RARB: variants seen among roughly 807,000 people sequenced by gnomAD.
RARB encodes retinoic acid receptor beta.
In RARB, 17 loss-of-function variants were observed where a neutral mutation model predicts 51.9. The observed-to-expected ratio is 0.33, with a 90% CI of 0.22 to 0.49. The LOEUF is 0.49. Among genes scored for constraint, RARB ranks in the 20% least tolerant of loss-of-function variants. RARB has a pLI of 0.99. For missense variants in RARB, 369 were observed against 550.8 expected (o/e 0.67, Z 3.30); for synonymous variants, 215 against 195.4 (o/e 1.10, Z -0.84).
intron 3 of RARB, among the ~76,000 whole-genome samples, chr3:25,554,313 T>C (rs1458841806): frequency 6.6e-6 from 1 of 151,936 alleles, no homozygotes; most frequent in African/African-American, 2.4e-5. Flanking sequence ...CTAAGTTTGA[T>C]TTATTGCACA....
At chr3:25,479,378 G>A (rs929243805) in intron 2 of RARB, among the ~76,000 whole-genome samples, 15 of 151,996 alleles carry the variant, frequency 9.9e-5, no homozygotes, top group African/African-American at 3.4e-4. Context: ...TGTTGTGCAT[G>A]GTATTATGCA....
upstream of RARB, among the ~76,000 whole-genome samples, chr3:25,427,091 TGATGA>T (rs1708014952): frequency 6.6e-6 from 1 of 152,174 alleles, no homozygotes; most frequent in African/African-American, 2.4e-5. Flanking sequence ...TGTAGGTGTA[TGATGA>T]GAGAGGCAAC....
At chr3:25,269,521 T>C (rs1272605516) in intron 5 of RARB, among the ~76,000 whole-genome samples, 1 of 152,186 alleles carries the variant, frequency 6.6e-6, no homozygotes, top group Admixed American at 6.6e-5. Context: ...TCAATGTGGA[T>C]ACTAACAGGA....
chr3:25,594,738 T>G, intron 7 of RARB, 60 bp downstream of exon 7: 1 of 1,406,338 alleles, frequency 7.1e-7, no homozygotes, highest in Admixed American at 2.6e-5. Context: ...CTTACCAGGT[T>G]GTGTTGCTTT....
chr3:24,898,133 T>C (rs1703518187), intron 2 of RARB, among the ~76,000 whole-genome samples: 1 of 152,044 alleles, frequency 6.6e-6, no homozygotes, highest in Non-Finnish European at 1.5e-5. Flanking sequence ...GGAGTTTGAG[T>C]CCACACATTG....
intron 5 of RARB, among the ~76,000 whole-genome samples, chr3:25,247,455 C>A (rs1028569021): frequency 1.3e-5 from 2 of 152,198 alleles, no homozygotes; most frequent in African/African-American, 4.8e-5. Context: ...GTGGTGTAGG[C>A]ACACAAGGGA....
At chr3:24,930,865 T>C (rs921421871) in intron 2 of RARB, among the ~76,000 whole-genome samples, 3 of 152,102 alleles carry the variant, frequency 2.0e-5, no homozygotes, top group Admixed American at 6.6e-5. Flanking sequence ...TTTTAAAAAA[T>C]AGCCAGGTGT....
At chr3:24,878,514 G>A (rs757333518) in intron 2 of RARB, among the ~76,000 whole-genome samples, 4 of 152,112 alleles carry the variant, frequency 2.6e-5, no homozygotes, top group Non-Finnish European at 4.4e-5. Context: ...CATATCAATG[G>A]TGAGAGTTAC....
chr3:25,393,833 T>C (rs554725096), intron 5 of RARB, among the ~76,000 whole-genome samples: 2 of 152,240 alleles, frequency 1.3e-5, no homozygotes, highest in Admixed American at 6.5e-5. Flanking sequence ...TAATGGTCTA[T>C]GAATTTTGTT....
intron 3 of RARB, among the ~76,000 whole-genome samples, chr3:25,115,964 A>T (rs544216482): frequency 1.3e-5 from 2 of 152,212 alleles, no homozygotes; most frequent in South Asian, 4.1e-4. Context: ...ATCTTCATTT[A>T]TCATTAAGAA....
intron 4 of RARB, among the ~76,000 whole-genome samples, chr3:25,154,825 T>C (rs1374924469): frequency 6.6e-6 from 1 of 152,236 alleles, no homozygotes; most frequent in African/African-American, 2.4e-5. Context: ...CTGTGTGCTT[T>C]CATAATACTC....
At chr3:25,068,633 C>T (rs1183403433) in intron 3 of RARB, among the ~76,000 whole-genome samples, 2 of 152,040 alleles carry the variant, frequency 1.3e-5, no homozygotes, top group East Asian at 1.9e-4. Context: ...ATATTTTAAT[C>T]CTTAGGTACC....
chr3:24,994,627 G>A (rs926338014), intron 2 of RARB, among the ~76,000 whole-genome samples: 3 of 151,808 alleles, frequency 2.0e-5, no homozygotes, highest in Non-Finnish European at 2.9e-5. Flanking sequence ...TTATTGTTTC[G>A]GGTACCACAT....
intron 3 of RARB, among the ~76,000 whole-genome samples, chr3:25,567,467 A>G (rs548120927): frequency 1.1e-4 from 17 of 152,302 alleles, no homozygotes; most frequent in African/African-American, 3.6e-4. Context: ...GTGTTGTAGT[A>G]TGCATCCATA....
At chr3:24,835,350 G>T (rs1389675956) in intron 1 of RARB, among the ~76,000 whole-genome samples, 2 of 152,282 alleles carry the variant, frequency 1.3e-5, no homozygotes, top group East Asian at 3.9e-4. Context: ...TTTACAAGCA[G>T]GTGGCAGAAA....
chr3:24,967,824 A>G (rs995095519), intron 2 of RARB, among the ~76,000 whole-genome samples: 33 of 152,312 alleles, frequency 2.2e-4, no homozygotes, highest in Admixed American at 7.2e-4. Context: ...ATGGATTAAC[A>G]GGTCAAATAA....
Position 25,531,468 on chromosome 3 carries a change from TGTGC to T in RARB, c.448+30153_448+30156del, listed in dbSNP as rs1301716214. 3.9e-5 allele frequency among the ~76,000 whole-genome samples: 6 copies of T among 152,286 alleles called. No homozygotes were observed. The South Asian group carries it at 6.2e-4, about 16-fold the overall frequency. ...AGATTTATATATGTGTGTTTGTGTGTGTGCGTGCGTGTGTATATCTCAAATTATT... is the reference window on the plus strand; with the variant it reads ...AGATTTATATATGTGTGTTTGTGTGTGTGCGTGTGTATATCTCAAATTATT... On this transcript the variant is annotated intron_variant, in intron 3 of 7. Coordinates refer to ENST00000330688, the MANE Select transcript of RARB (RefSeq NM_000965.5).
At chr3:25,106,459 T>TTTTTTTTTTTTG in intron 3 of RARB, among the ~76,000 whole-genome samples, 1 of 90,868 alleles carries the variant, frequency 1.1e-5, no homozygotes, top group African/African-American at 4.4e-5. Flanking sequence ...TTGTTTTTTG[T>TTTTTTTTTTTTG]TTTTTTTTGT....
intron 3 of RARB, among the ~76,000 whole-genome samples, chr3:25,073,994 C>G (rs1442633314): frequency 6.6e-6 from 1 of 152,156 alleles, no homozygotes; most frequent in Non-Finnish European, 1.5e-5. Context: ...ATGACAAAAT[C>G]TTGACTTCTG....
Sources: gnomAD v4.1 joint callset for allele counts (sites outside exome capture counted in the v4.1 genomes callset) on GRCh38, gnomAD v4.1.1 for gene constraint, MANE v1.5 for transcripts, NCBI Gene and HGNC (gene_info 2026-07-23, HGNC 2026-07-21) for gene names.